The following TLN2 variants were observed in gnomAD, a reference collection of about 807,000 sequenced individuals.
The protein encoded by TLN2 is talin 2.
A neutral mutation model predicts 294.7 loss-of-function variants in TLN2; 118 were observed. The observed-to-expected ratio is 0.40, with a 90% CI of 0.34 to 0.47. The LOEUF (loss-of-function observed/expected upper bound fraction) is 0.47, where lower values mean the gene tolerates loss of function less well. Ranked by LOEUF, TLN2 falls within the 20% of genes least tolerant of loss-of-function variation. The pLI, the probability that TLN2 is intolerant of heterozygous loss-of-function variation, is 0.84. For missense variants in TLN2, 3,083 were observed against 3,282.2 expected, an observed-to-expected ratio of 0.94 and a Z score of 1.48; for synonymous variants, 1,431 against 1,304.5, an observed-to-expected ratio of 1.10 and a Z score of -2.09.
intron 45 of TLN2, among the ~76,000 whole-genome samples, chr15:62,788,723 C>T (rs1489126694): frequency 1.3e-5 from 2 of 152,194 alleles, no homozygotes; most frequent in African/African-American, 4.8e-5. Context: ...TGTGGAGTAG[C>T]CAGGATTCAA....
intron 3 of TLN2, among the ~76,000 whole-genome samples, chr15:62,620,079 A>T (rs1203415899): frequency 3.9e-5 from 6 of 152,128 alleles, no homozygotes; most frequent in African/African-American, 1.4e-4. Flanking sequence ...AGGCTCAAGC[A>T]ATCCTCCCAC....
In TLN2 at chr15:62,710,221, A is replaced by G. The variant is rs1261831342; in HGVS notation, c.2467+1425A>G. 3.3e-5 allele frequency among the ~76,000 whole-genome samples: 5 copies of G among 152,310 alleles called. No homozygotes were observed. The East Asian group carries it at 9.6e-4, about 29-fold the overall frequency. On this transcript the variant is annotated intron_variant, in intron 21 of 58. Coordinates refer to ENST00000636159, the MANE Select transcript of TLN2 (RefSeq NM_015059.3). ...CTTGTAAAAATAGTTTACTTTTCCTACGTAGGGTAAATTCTTATTAATGGA... is the reference window on the plus strand; with the variant it reads ...CTTGTAAAAATAGTTTACTTTTCCTGCGTAGGGTAAATTCTTATTAATGGA...
chr15:62,838,965 T>TG lies in TLN2; in HGVS notation c.7490dup (p.Ile2498HisfsTer34). The TG allele has an allele frequency of 1.9e-6, 3 of 1,614,100 alleles. No homozygotes were observed. The highest frequency in any genetic ancestry group is 2.5e-6 in the Non-Finnish European group (3 of 1,179,998). On this transcript the variant is annotated frameshift_variant, in exon 58 of 59. Transcript: ENST00000636159. LOFTEE classifies it high-confidence loss of function. ...GATGTTGTAGTGAAAACCAAGTTTG[T>TG]GGGGGGCATTGCTCAGGTTTGTAAT...
intron 1 of TLN2, among the ~76,000 whole-genome samples, chr15:62,454,503 G>A (rs573756086): frequency 7.9e-5 from 12 of 152,278 alleles, no homozygotes; most frequent in African/African-American, 2.9e-4. Context: ...GCCAGGTGGG[G>A]CACCGTCATG....
intron 12 of TLN2, among the ~76,000 whole-genome samples, chr15:62,688,153 A>C (rs28639657): frequency 0.035 from 5,290 of 152,242 alleles, 301 homozygotes; most frequent in African/African-American, 0.12. Flanking sequence ...TTTATTTAAA[A>C]AATGAATAGT....
At chr15:62,687,095 G>T (rs1228836201) in intron 12 of TLN2, among the ~76,000 whole-genome samples, 1 of 152,178 alleles carries the variant, frequency 6.6e-6, no homozygotes, top group Non-Finnish European at 1.5e-5. Context: ...CTGTGTTCCT[G>T]ATGACATCCC....
chr15:62,453,308 T>C (rs1248458888), intron 1 of TLN2, among the ~76,000 whole-genome samples: 1 of 151,806 alleles, frequency 6.6e-6, no homozygotes, highest in Non-Finnish European at 1.5e-5. Context: ...AAAAGTAGGA[T>C]TGGAAAGTAG....
intron 22 of TLN2, among the ~76,000 whole-genome samples, chr15:62,713,702 A>G (rs950346120): frequency 1.3e-5 from 2 of 152,048 alleles, no homozygotes; most frequent in African/African-American, 4.8e-5. Flanking sequence ...ATTGTGACAC[A>G]TAGTGAGCCA....
At chr15:62,780,149 T>G (rs1324804847) in intron 43 of TLN2, among the ~76,000 whole-genome samples, 2 of 152,230 alleles carry the variant, frequency 1.3e-5, no homozygotes, top group Non-Finnish European at 2.9e-5. Context: ...CCCCTCCTGT[T>G]CAGGTCAGGA....
intron 2 of TLN2, among the ~76,000 whole-genome samples, chr15:62,612,864 A>G (rs1338600732): frequency 2.0e-5 from 3 of 152,256 alleles, no homozygotes; most frequent in African/African-American, 7.2e-5. Context: ...AAGATCTTCC[A>G]GGCTTTATGA....
rs754389588 is a variant in TLN2, at chr15:62,707,239, G to T, written c.2158G>T (p.Val720Leu). The T allele has an allele frequency of 3.1e-6, 5 of 1,611,860 alleles. No individual in the cohort carries two copies. Among genetic ancestry groups the T allele is most frequent in the Non-Finnish European group, 3.4e-6 (4 of 1,178,452 alleles). The part of the protein sequence containing the change: ...TQCALSTSQL[V>L]ACAKVVSPTI... The stretch of plus-strand genomic sequence containing the variant: ...GTGTGCCCTCTCCACCTCCCAGCTT[G>T]TGGCATGTGCCAAGGTAAGCCAGCT... The change falls in exon 20 of 59, where the codon GTG becomes TTG. Residue 720 changes from valine (V) to leucine (L), a missense_variant. By Grantham distance (32) the Val-to-Leu change is conservative. Transcript: ENST00000636159.
At chr15:62,699,767 G>A (rs2058598295) in intron 16 of TLN2, among the ~76,000 whole-genome samples, 1 of 152,210 alleles carries the variant, frequency 6.6e-6, no homozygotes, top group African/African-American at 2.4e-5. Flanking sequence ...TCTCAACCCT[G>A]CTTTGTACGT....
chr15:62,563,384 G>A (rs1213633390), intron 1 of TLN2, among the ~76,000 whole-genome samples: 1 of 152,168 alleles, frequency 6.6e-6, no homozygotes, highest in African/African-American at 2.4e-5. Flanking sequence ...TTGGCCGTTT[G>A]TATACCTTCT....
At chr15:62,836,751 T>C (rs376586601) in intron 57 of TLN2, among the ~76,000 whole-genome samples, 13 of 152,324 alleles carry the variant, frequency 8.5e-5, no homozygotes, top group African/African-American at 2.6e-4. Context: ...ATGAAAAAAA[T>C]CACACAGCCC....
chr15:62,721,300 A>G (rs898356799), intron 25 of TLN2, among the ~76,000 whole-genome samples: 1 of 152,322 alleles, frequency 6.6e-6, no homozygotes, highest in Admixed American at 6.5e-5. Flanking sequence ...CATGCTTTTA[A>G]ATATATCTTT....
chr15:62,588,697 TA>T (rs2045851584), intron 1 of TLN2, among the ~76,000 whole-genome samples: 3 of 125,610 alleles, frequency 2.4e-5, no homozygotes, highest in Admixed American at 1.5e-4. Flanking sequence ...TATATATATA[TA>T]TATATATATG....
At chr15:62,668,826 A>G (rs1461074460) in intron 9 of TLN2, among the ~76,000 whole-genome samples, 3 of 152,194 alleles carry the variant, frequency 2.0e-5, no homozygotes, top group Non-Finnish European at 2.9e-5. Flanking sequence ...GCCTTCAGAA[A>G]ATGGCAGCTG....
chr15:62,489,907 A>C (rs577718216), intron 1 of TLN2, among the ~76,000 whole-genome samples: 1 of 152,204 alleles, frequency 6.6e-6, no homozygotes, highest in South Asian at 2.1e-4. Context: ...AGCCCTGGCA[A>C]ACCTTCAGAT....
At chr15:62,805,533 G>C in intron 50 of TLN2, 67 bp from the exon 51 acceptor site, 3 of 1,468,476 alleles carry the variant, frequency 2.0e-6, no homozygotes, top group Non-Finnish European at 1.8e-6. Context: ...AGCCTGGTTG[G>C]AGAAGAATAA....
Sources: allele counts gnomAD v4.1 joint callset (sites outside exome capture counted in the v4.1 genomes callset), GRCh38; gene constraint gnomAD v4.1.1; transcripts MANE v1.5; gene names NCBI Gene and HGNC (gene_info 2026-07-23, HGNC 2026-07-21).